The following ACACA variants were observed in gnomAD, a reference collection of about 807,000 sequenced individuals.
The protein encoded by ACACA is acetyl-CoA carboxylase 1.
Under a neutral mutation model 296.1 loss-of-function variants are expected in ACACA, and 103 were observed. The observed-to-expected ratio is 0.35, with a 90% CI of 0.30 to 0.41. The LOEUF (loss-of-function observed/expected upper bound fraction) is 0.41. Ranked by LOEUF, ACACA falls within the 10% of genes least tolerant of loss-of-function variation. ACACA has a pLI of 1.00. For missense variants in ACACA, 1,554 were observed against 2,989.7 expected, an observed-to-expected ratio of 0.52 and a Z score of 11.20; for synonymous variants, 953 against 1,038.6, an observed-to-expected ratio of 0.92 and a Z score of 1.58.
chr17:37,390,140 GTATATATATATA>G (rs1243535532), intron 1 of ACACA, among the ~76,000 whole-genome samples: 448 of 34,622 alleles, frequency 0.013, 35 homozygotes, highest in African/African-American at 0.054. Context: ...AAAAAAAAAA[GTATATATATATA>G]TATATATATA....
rs1437146152 is a variant in ACACA, at chr17:37,181,375, G to A, written c.4777-19C>T. On this transcript the variant is annotated intron_variant, in intron 39 of 55. Coordinates refer to ENST00000616317, the MANE Select transcript of ACACA (RefSeq NM_198834.3). Reference sequence around the variant, plus strand: ...ACATGATCTGCAGGAAAAAAAAATGGCATGGGGAGTTAAGAGACAGAAAAA... The same window carrying A: ...ACATGATCTGCAGGAAAAAAAAATGACATGGGGAGTTAAGAGACAGAAAAA... 1 of 1,613,856 alleles carries A rather than the reference G, an allele frequency of 6.2e-7. No homozygotes were observed. The highest frequency in any genetic ancestry group is 8.5e-7 in the Non-Finnish European group (1 of 1,179,908).
chr17:37,348,975 A>G (rs2048761628), intron 1 of ACACA, among the ~76,000 whole-genome samples: 1 of 151,986 alleles, frequency 6.6e-6, no homozygotes, highest in Non-Finnish European at 1.5e-5. Context: ...CACCAATGCA[A>G]TAACTGATGT....
intron 1 of ACACA, among the ~76,000 whole-genome samples, chr17:37,374,317 G>A (rs1458277042): frequency 2.8e-5 from 4 of 142,080 alleles, no homozygotes; most frequent in South Asian, 4.4e-4. Flanking sequence ...ACGGAGTTTC[G>A]CTCTTGTTGC....
At chr17:37,203,834 C>A (rs766284654) in intron 33 of ACACA, among the ~76,000 whole-genome samples, 1 of 152,196 alleles carries the variant, frequency 6.6e-6, no homozygotes, top group South Asian at 2.1e-4. Flanking sequence ...TATGTGGTCA[C>A]TGGCCAAGGG....
chr17:37,176,145 G>A (rs1359354826), intron 41 of ACACA, among the ~76,000 whole-genome samples: 1 of 152,176 alleles, frequency 6.6e-6, no homozygotes, highest in African/African-American at 2.4e-5. Context: ...GATAAGTGCA[G>A]GTTTTCTGCC....
rs545342038 is a variant in ACACA at position 37,260,005 on chromosome 17, C to G, written c.1330-475G>C. ...CAAGTGATTCTCCTGCCTCAGCCCC[C>G]CAAGTAGCTGAGATTACAGGCATGC... On this transcript the variant is annotated intron_variant, in intron 11 of 55. Coordinates refer to ENST00000616317, the MANE Select transcript of ACACA (RefSeq NM_198834.3). Among the ~76,000 whole-genome samples, 24 of 151,230 alleles carry G rather than the reference C, an allele frequency of 1.6e-4. No homozygotes were observed. The East Asian group carries it at 2.3e-3, about 15-fold the overall frequency.
chr17:37,136,445 C>T (rs116459737), intron 45 of ACACA, among the ~76,000 whole-genome samples: 1 of 152,224 alleles, frequency 6.6e-6, no homozygotes, highest in African/African-American at 2.4e-5. Context: ...CTTGGTAACC[C>T]GTTTGCCTGT....
intron 11 of ACACA, among the ~76,000 whole-genome samples, chr17:37,263,457 C>A (rs1158519031): frequency 2.6e-5 from 4 of 152,080 alleles, no homozygotes; most frequent in Non-Finnish European, 5.9e-5. Flanking sequence ...TGAAATGGTA[C>A]GCTGATTTTT....
intron 11 of ACACA, among the ~76,000 whole-genome samples, 157 bp from the exon 12 acceptor site, chr17:37,259,687 G>C (rs773452259): frequency 1.3e-5 from 2 of 151,924 alleles, no homozygotes; most frequent in Non-Finnish European, 2.9e-5. Context: ...CAATATCCCT[G>C]GACAAGGATG....
At chr17:37,328,677 G>A (rs1439365074) in intron 3 of ACACA, 1 of 374,828 alleles carries the variant, frequency 2.7e-6, no homozygotes, top group Admixed American at 4.5e-5. Context: ...TTTTATTATA[G>A]AGTTGATATA....
In ACACA at chr17:37,085,267, C is replaced by G. The variant is rs2072124796; in HGVS notation, c.*2049G>C. 1.5e-5 allele frequency: 3 copies of G among 206,190 alleles called. No homozygotes were observed. In the South Asian group the frequency reaches 5.6e-4, roughly 39 times the overall value. The allele number at this position is 206,190 out of a possible 1,614,324, so 12.8% of individuals were successfully genotyped here. On this transcript the variant is annotated 3_prime_UTR_variant, in exon 56 of 56. Transcript: ENST00000616317. Reference sequence around the variant, plus strand: ...CCTCCAACTTGAAAAAATCCTTGTCCAGGGTAAGACCTACAGTAAGGAGCT... The same window carrying G: ...CCTCCAACTTGAAAAAATCCTTGTCGAGGGTAAGACCTACAGTAAGGAGCT...
At chr17:37,319,671 G>C (rs888998643) in intron 3 of ACACA, among the ~76,000 whole-genome samples, 1 of 152,060 alleles carries the variant, frequency 6.6e-6, no homozygotes, top group African/African-American at 2.4e-5. Context: ...AAAAAATTTA[G>C]GCCAGGCGCT....
chr17:37,142,810 T>G lies in ACACA; in HGVS notation c.5679+7054A>C, dbSNP rs189459544. Reference sequence around the variant, plus strand: ...AGTGCGTTGATTGTTGCTAGATACATCTATTGGGAAAGTCAATACATGAAT... The same window carrying G: ...AGTGCGTTGATTGTTGCTAGATACAGCTATTGGGAAAGTCAATACATGAAT... On this transcript the variant is annotated intron_variant, in intron 45 of 55. Coordinates refer to ENST00000616317, the MANE Select transcript of ACACA (RefSeq NM_198834.3). 1.0e-3 allele frequency among the ~76,000 whole-genome samples: 152 copies of G among 152,328 alleles called. 1 individual carries two copies. Among genetic ancestry groups the G allele is most frequent in the Non-Finnish European group, 1.3e-4 (9 of 68,022 alleles).
chr17:37,255,730 GT>G (rs759068071), intron 14 of ACACA, among the ~76,000 whole-genome samples: 4 of 152,096 alleles, frequency 2.6e-5, no homozygotes, highest in Admixed American at 6.6e-5. Context: ...AAAACTAGCT[GT>G]TTTTTGTTTG....
chr17:37,391,596 A>G (rs1413538344), intron 1 of ACACA: 3 of 1,530,314 alleles, frequency 2.0e-6, no homozygotes, highest in Non-Finnish European at 1.8e-6. Flanking sequence ...TACATGAAGA[A>G]CTATACACTT....
chr17:37,236,758 G>C (rs1333988566), intron 24 of ACACA, among the ~76,000 whole-genome samples: 1 of 152,158 alleles, frequency 6.6e-6, no homozygotes, highest in African/African-American at 2.4e-5. Context: ...CCAGGAGGCA[G>C]AAGTTGCAGT....
At chr17:37,165,376 T>C (rs570214642) in intron 41 of ACACA, among the ~76,000 whole-genome samples, 1 of 152,324 alleles carries the variant, frequency 6.6e-6, no homozygotes, top group South Asian at 2.1e-4. Flanking sequence ...CTATCACTTA[T>C]ATTAACTAAC....
intron 1 of ACACA, chr17:37,391,825 G>A: frequency 9.3e-7 from 1 of 1,073,496 alleles, no homozygotes. Context: ...CTTCAGCAGG[G>A]ACATTACAAT....
chr17:37,368,314 T>G (rs1427012230), intron 1 of ACACA, among the ~76,000 whole-genome samples: 1 of 150,694 alleles, frequency 6.6e-6, no homozygotes, highest in Non-Finnish European at 1.5e-5. Flanking sequence ...GGCACTGTGG[T>G]TCACACCTAT....
Sources: gnomAD v4.1 joint callset for allele counts (sites outside exome capture counted in the v4.1 genomes callset) on GRCh38, gnomAD v4.1.1 for gene constraint, MANE v1.5 for transcripts, NCBI Gene and HGNC (gene_info 2026-07-23, HGNC 2026-07-21) for gene names.